PARVA: variants seen among roughly 807,000 people sequenced by gnomAD.
PARVA encodes the protein parvin alpha.
PARVA carries 25 observed loss-of-function variants against 52.6 expected under a neutral mutation model. The observed-to-expected ratio is 0.48, with a 90% CI of 0.35 to 0.66. The LOEUF (loss-of-function observed/expected upper bound fraction) is 0.66, where lower values mean the gene tolerates loss of function less well. PARVA is among the 30% of genes least tolerant of loss of function. PARVA has a pLI of 0.01. For synonymous variants in PARVA, 185 were observed against 179.1 expected (o/e 1.03, Z -0.26); for missense variants, 373 against 450.9 (o/e 0.83, Z 1.56).
In PARVA at chr11:12,531,733, T is replaced by C. The variant is rs891468883; in HGVS notation, c.*3808T>C. On this transcript the variant is annotated 3_prime_UTR_variant, in exon 13 of 13. Coordinates refer to ENST00000334956, the MANE Select transcript of PARVA (RefSeq NM_018222.5). ...CCTGAAATCTTCACTAATTCCAAGA[T>C]TGCGTGTCATTTCCCCCAAAAATTT... is the stretch of plus-strand genomic sequence containing the variant. Among the ~76,000 whole-genome samples the C allele has an allele frequency of 4.6e-5, 7 of 151,724 alleles. No homozygotes were observed. The highest frequency in any genetic ancestry group is 4.0e-4 in the Admixed American group (6 of 15,178).
intron 4 of PARVA, among the ~76,000 whole-genome samples, chr11:12,485,908 T>C (rs1941153307): frequency 1.3e-5 from 2 of 152,042 alleles, no homozygotes. Context: ...CCATCACTTC[T>C]CAAAACTGTC....
chr11:12,437,576 G>A (rs1311919855), intron 1 of PARVA, among the ~76,000 whole-genome samples: 1 of 152,208 alleles, frequency 6.6e-6, no homozygotes, highest in African/African-American at 2.4e-5. Context: ...TAGGTGCTCA[G>A]TGAAGGTTTG....
intron 7 of PARVA, among the ~76,000 whole-genome samples, chr11:12,510,225 TAACTC>T (rs1335152584): frequency 6.6e-6 from 1 of 152,190 alleles, no homozygotes; most frequent in Non-Finnish European, 1.5e-5. Flanking sequence ...ATCCAGCACT[TAACTC>T]CAAGTTCATT....
intron 1 of PARVA, among the ~76,000 whole-genome samples, chr11:12,400,020 T>C (rs1225333773): frequency 6.6e-6 from 1 of 152,190 alleles, no homozygotes; most frequent in Non-Finnish European, 1.5e-5. Context: ...GAAGGATCAC[T>C]TGAGCCCAGG....
intron 4 of PARVA, among the ~76,000 whole-genome samples, chr11:12,492,111 T>C (rs929623981): frequency 2.6e-5 from 4 of 152,228 alleles, no homozygotes; most frequent in African/African-American, 9.6e-5. Context: ...GTGGTATATA[T>C]GACAATTGTG....
At chr11:12,376,860 G>A (rs1349287894), upstream of PARVA, 1 of 397,646 alleles carries the variant, frequency 2.5e-6, no homozygotes, top group Non-Finnish European at 3.4e-6. Context: ...ATTTAGGCAG[G>A]ATAAATTTTG....
At chr11:12,461,242 A>G (rs1049005234) in intron 1 of PARVA, among the ~76,000 whole-genome samples, 1 of 152,192 alleles carries the variant, frequency 6.6e-6, no homozygotes, top group Non-Finnish European at 1.5e-5. Context: ...AAGTAATGCC[A>G]GCTCCACCCT....
At chr11:12,473,436 T>C (rs1940960230) in intron 1 of PARVA, among the ~76,000 whole-genome samples, 2 of 152,066 alleles carry the variant, frequency 1.3e-5, no homozygotes, top group Admixed American at 6.6e-5. Flanking sequence ...CAGAAAGAAG[T>C]CAGTGCCCAC....
chr11:12,393,091 G>C lies in PARVA; in HGVS notation c.136+15308G>C, dbSNP rs1230736719. On this transcript the variant is annotated intron_variant, in intron 1 of 12. Coordinates refer to ENST00000334956, the MANE Select transcript of PARVA (RefSeq NM_018222.5). Reference sequence around the variant, plus strand: ...AAGAAAGAAAAAAAATACCAGAAAAGTAGCAAAGATTTACACGTAAGTGAA... The same window carrying C: ...AAGAAAGAAAAAAAATACCAGAAAACTAGCAAAGATTTACACGTAAGTGAA... Among the ~76,000 whole-genome samples, 3 of 124,750 alleles carry C rather than the reference G, an allele frequency of 2.4e-5. No individual in the cohort carries two copies. In the South Asian group the frequency reaches 8.2e-4, roughly 34 times the overall value. The allele number at this position is 124,750 out of a possible 152,430, so 81.8% of individuals were successfully genotyped here. A position where few individuals can be genotyped will look rare whatever the true frequency, so the allele number is the denominator to read the frequency against.
intron 1 of PARVA, among the ~76,000 whole-genome samples, chr11:12,447,588 C>G (rs1322730116): frequency 2.0e-5 from 3 of 152,206 alleles, no homozygotes; most frequent in Non-Finnish European, 4.4e-5. Context: ...TTGTACTCAG[C>G]TCCCTTGAGA....
intron 1 of PARVA, among the ~76,000 whole-genome samples, chr11:12,444,708 A>C (rs1940521690): frequency 6.6e-6 from 1 of 152,140 alleles, no homozygotes. Context: ...TCTTAAATGC[A>C]TTATATAATC....
At chr11:12,513,019 T>C in intron 8 of PARVA, 2 of 597,392 alleles carry the variant, frequency 3.3e-6, no homozygotes, top group South Asian at 1.7e-5. Flanking sequence ...TGAAGGGAAA[T>C]GACTAATCCC....
chr11:12,456,235 G>A (rs1022125305), intron 1 of PARVA, among the ~76,000 whole-genome samples: 11 of 152,200 alleles, frequency 7.2e-5, no homozygotes, highest in African/African-American at 2.7e-4. Flanking sequence ...GGATGCTTAC[G>A]AAGGCATGCA....
At chr11:12,389,054 A>T (rs542855742) in intron 1 of PARVA, among the ~76,000 whole-genome samples, 1 of 152,252 alleles carries the variant, frequency 6.6e-6, no homozygotes, top group Non-Finnish European at 1.5e-5. Flanking sequence ...GATCTGAGTG[A>T]TCCCTCTGAT....
chr11:12,443,107 C>T (rs1042910054), intron 1 of PARVA, among the ~76,000 whole-genome samples: 5 of 150,314 alleles, frequency 3.3e-5, no homozygotes, highest in African/African-American at 9.8e-5. Flanking sequence ...GTGATCCGCC[C>T]GCCTGGGCCT....
intron 1 of PARVA, among the ~76,000 whole-genome samples, chr11:12,382,381 CTT>C (rs546439424): frequency 0.017 from 2,228 of 128,310 alleles, 49 homozygotes; most frequent in African/African-American, 0.057. Flanking sequence ...GTAACTTTTT[CTT>C]TTTTTTTTTT....
intron 1 of PARVA, among the ~76,000 whole-genome samples, chr11:12,437,409 G>A (rs1442172082): frequency 6.6e-6 from 1 of 152,170 alleles, no homozygotes; most frequent in Admixed American, 6.5e-5. Flanking sequence ...AAGTTAATTA[G>A]CCTTTGTGGT....
In PARVA at chr11:12,429,283, A is replaced by G. The variant is rs560683106; in HGVS notation, c.137-44462A>G. Among the ~76,000 whole-genome samples the G allele has an allele frequency of 5.3e-5, 8 of 152,254 alleles. 1 individual carries two copies. The South Asian group carries it at 1.7e-3, about 32-fold the overall frequency. ...GCCACCATGCCTGGCTCAAAGTTTT[A>G]AAAGAAGTACTAACCCTTTAGCCCT... On this transcript the variant is annotated intron_variant, in intron 1 of 12. Transcript: ENST00000334956.
At chr11:12,393,771 C>G (rs568723958) in intron 1 of PARVA, among the ~76,000 whole-genome samples, 3 of 152,306 alleles carry the variant, frequency 2.0e-5, no homozygotes, top group African/African-American at 4.8e-5. Context: ...TGAGCAAACA[C>G]ATGTTTCATT....
Sources: allele counts gnomAD v4.1 joint callset (sites outside exome capture counted in the v4.1 genomes callset), GRCh38; gene constraint gnomAD v4.1.1; transcripts MANE v1.5; gene names NCBI Gene and HGNC (gene_info 2026-07-23, HGNC 2026-07-21).